The following CDH13 variants were observed in gnomAD, a reference collection of about 807,000 sequenced individuals.
CDH13 encodes cadherin 13, also known as cadherin-13.
CDH13 carries 24 observed loss-of-function variants against 63.8 expected under a neutral mutation model. The ratio of observed to expected loss-of-function variants is 0.38; its 90% confidence interval spans 0.27 to 0.53. The LOEUF is 0.53. CDH13 is among the 20% of genes least tolerant of loss of function. The pLI, the probability that CDH13 is intolerant of heterozygous loss-of-function variation, is 0.85. For synonymous variants in CDH13, 503 were observed against 355.3 expected (o/e 1.42, Z -4.67); for missense variants, 1,049 against 903.1 (o/e 1.16, Z -2.07).
At chr16:82,800,738 T>C (rs2036810778) in intron 1 of CDH13, among the ~76,000 whole-genome samples, 1 of 152,150 alleles carries the variant, frequency 6.6e-6, no homozygotes, top group South Asian at 2.1e-4. Context: ...AAGAACAGGA[T>C]TTACCTAAAG....
In CDH13 at chr16:83,683,923, C is replaced by T. The variant is rs190620418; in HGVS notation, c.1538+5462C>T. On this transcript the variant is annotated intron_variant, in intron 10 of 13. Coordinates refer to ENST00000567109, the MANE Select transcript of CDH13 (RefSeq NM_001257.5). ...ATCAGGTTCTAAAACAGATCAGGTT[C>T]CCACTCTGTCGTCTCCAGGTGAGAT... Among the ~76,000 whole-genome samples the T allele has an allele frequency of 2.1e-3, 316 of 152,314 alleles. 1 individual carries two copies. Among genetic ancestry groups the T allele is most frequent in the Non-Finnish European group, 3.5e-3 (240 of 68,036 alleles).
chr16:83,414,166 C>T (rs1447102202), intron 6 of CDH13, among the ~76,000 whole-genome samples: 2 of 152,136 alleles, frequency 1.3e-5, no homozygotes, highest in Admixed American at 1.3e-4. Flanking sequence ...CATCCAATAG[C>T]TGTTTTTCTT....
At chr16:83,286,768 A>AG (rs796308436) in intron 5 of CDH13, among the ~76,000 whole-genome samples, 3 of 98,348 alleles carry the variant, frequency 3.1e-5, no homozygotes, top group Admixed American at 2.5e-4. Flanking sequence ...AAAAAAAAAA[A>AG]TGTATATATA....
intron 6 of CDH13, among the ~76,000 whole-genome samples, chr16:83,469,694 A>T (rs1015115066): frequency 4.6e-5 from 7 of 152,194 alleles, no homozygotes; most frequent in Non-Finnish European, 1.0e-4. Flanking sequence ...TCTGGCATCC[A>T]CAGCACTAGC....
chr16:83,390,085 G>A (rs549936126), intron 6 of CDH13, among the ~76,000 whole-genome samples: 2 of 152,252 alleles, frequency 1.3e-5, no homozygotes, highest in East Asian at 3.9e-4. Flanking sequence ...ACATCTCTTT[G>A]AGTCCTGGGC....
intron 10 of CDH13, among the ~76,000 whole-genome samples, chr16:83,745,575 G>T (rs555806382): frequency 1.4e-4 from 22 of 152,262 alleles, no homozygotes; most frequent in Admixed American, 1.2e-3. Context: ...CATGAGGCTT[G>T]TGGTGACTGC....
chr16:83,759,585 A>T (rs1359571222), intron 11 of CDH13, among the ~76,000 whole-genome samples: 1 of 152,132 alleles, frequency 6.6e-6, no homozygotes, highest in Non-Finnish European at 1.5e-5. Context: ...TGACACAGTT[A>T]AGAAAGTAAA....
chr16:82,899,966 T>A (rs1018929328), intron 2 of CDH13, among the ~76,000 whole-genome samples: 1 of 151,572 alleles, frequency 6.6e-6, no homozygotes, highest in Non-Finnish European at 1.5e-5. Flanking sequence ...TTTCAGAATG[T>A]CATCAGAAAT....
intron 2 of CDH13, among the ~76,000 whole-genome samples, chr16:83,008,634 C>T (rs1913795457): frequency 6.6e-6 from 1 of 152,138 alleles, no homozygotes; most frequent in Admixed American, 6.5e-5. Context: ...TGTGTTGAGA[C>T]CACTGGGTGT....
chr16:82,804,379 T>A (rs2151166494), intron 1 of CDH13, among the ~76,000 whole-genome samples: 1 of 152,158 alleles, frequency 6.6e-6, no homozygotes, highest in South Asian at 2.1e-4. Context: ...TTTACTACCT[T>A]GATTGTGGTG....
rs570279004 is a variant in CDH13, at chr16:83,130,203, C to A, written c.483+4702C>A. On this transcript the variant is annotated intron_variant, in intron 4 of 13. Coordinates refer to ENST00000567109, the MANE Select transcript of CDH13 (RefSeq NM_001257.5). ...CAGCACTGTGCTAAGCACTTTTCAT[C>A]TATTATGTTGAATTCTTATGATAAC... Among the ~76,000 whole-genome samples, 9 of 152,308 alleles carry A rather than the reference C, an allele frequency of 5.9e-5. No individual in the cohort carries two copies. The East Asian group carries it at 9.6e-4, about 16-fold the overall frequency.
rs780596973 is a variant in CDH13 at position 83,356,211 on chromosome 16, CATGTGTGTGT to C, written c.781+11206_781+11215del. Among the ~76,000 whole-genome samples, 300 of 60,784 alleles carry C rather than the reference CATGTGTGTGT, an allele frequency of 4.9e-3. 2 individuals are homozygous for C. The highest frequency in any genetic ancestry group is 0.022 in the East Asian group (48 of 2,186). 39.9% of individuals were successfully genotyped at this position (60,784 alleles called of 152,430 possible). A position where few individuals can be genotyped will look rare whatever the true frequency, so the allele number is the denominator to read the frequency against. On this transcript the variant is annotated intron_variant, in intron 6 of 13. Transcript: ENST00000567109. ...ACAGATGAGTGAGTTTATTTATTTTCATGTGTGTGTGTGTGTGTGTGTGTGTGTGTGTGTG... is the reference window on the plus strand; with the variant it reads ...ACAGATGAGTGAGTTTATTTATTTTCGTGTGTGTGTGTGTGTGTGTGTGTG...
At chr16:82,667,549 T>A (rs1912739761) in intron 1 of CDH13, among the ~76,000 whole-genome samples, 1 of 151,698 alleles carries the variant, frequency 6.6e-6, no homozygotes, top group African/African-American at 2.4e-5. Context: ...TCTACCGAGT[T>A]AAGAAGGAAG....
At chr16:83,491,601 T>C (rs1218294638) in intron 7 of CDH13, among the ~76,000 whole-genome samples, 1 of 151,826 alleles carries the variant, frequency 6.6e-6, no homozygotes, top group African/African-American at 2.4e-5. Flanking sequence ...ATGGAAATAG[T>C]TTCCAAAATA....
chr16:83,052,312 C>A (rs748331860), intron 3 of CDH13, among the ~76,000 whole-genome samples: 2 of 152,202 alleles, frequency 1.3e-5, no homozygotes, highest in Non-Finnish European at 2.9e-5. Context: ...AGAAGCAGCA[C>A]ACCATCCTAT....
intron 2 of CDH13, among the ~76,000 whole-genome samples, chr16:82,983,527 G>A (rs887361489): frequency 2.6e-5 from 4 of 152,172 alleles, no homozygotes; most frequent in Non-Finnish European, 5.9e-5. Context: ...CAGTAAGGGA[G>A]CAACCAGACG....
At chr16:83,412,728 G>A (rs948543296) in intron 6 of CDH13, among the ~76,000 whole-genome samples, 10 of 152,134 alleles carry the variant, frequency 6.6e-5, no homozygotes, top group African/African-American at 1.7e-4. Context: ...TTCCTAATAC[G>A]GTGAAGTCAT....
chr16:83,108,553 C>G (rs761297588), intron 3 of CDH13, among the ~76,000 whole-genome samples: 2 of 152,206 alleles, frequency 1.3e-5, no homozygotes, highest in South Asian at 2.1e-4. Context: ...AGGGCACAAA[C>G]TTCCTTAGGC....
chr16:83,442,632 C>G (rs1109542), intron 6 of CDH13, among the ~76,000 whole-genome samples: 65,035 of 152,058 alleles, frequency 0.43, 14,298 homozygotes, highest in Admixed American at 0.51. Flanking sequence ...TTTTTCTGGA[C>G]TAGATGTAAC....
Sources: allele counts gnomAD v4.1 joint callset (sites outside exome capture counted in the v4.1 genomes callset), GRCh38; gene constraint gnomAD v4.1.1; transcripts MANE v1.5; gene names NCBI Gene and HGNC (gene_info 2026-07-23, HGNC 2026-07-21).